Variants in TSNARE1 observed in about 807,000 individuals in gnomAD.
The protein encoded by TSNARE1 is t-SNARE domain-containing protein 1.
Under a neutral mutation model 62.0 loss-of-function variants are expected in TSNARE1, and 49 were observed. The ratio of observed to expected loss-of-function variants is 0.79; its 90% confidence interval spans 0.63 to 1.00. The LOEUF is 1.00. TSNARE1 is among the 50% of genes least tolerant of loss of function. TSNARE1 has a pLI of 0.00. For missense variants in TSNARE1, 755 were observed against 700.1 expected (o/e 1.08, Z -0.88); for synonymous variants, 328 against 294.4 (o/e 1.11, Z -1.17).
At chr8:142,311,448 C>T (rs929811255) in intron 9 of TSNARE1, among the ~76,000 whole-genome samples, 2 of 151,692 alleles carry the variant, frequency 1.3e-5, no homozygotes, top group African/African-American at 4.8e-5. Context: ...CAGGCATGTG[C>T]CACCACACCC....
At chr8:142,341,148 C>T (rs1832532964) in intron 4 of TSNARE1, among the ~76,000 whole-genome samples, 2 of 152,344 alleles carry the variant, frequency 1.3e-5, no homozygotes, top group South Asian at 4.1e-4. Context: ...ACAAGTGGCT[C>T]CACCCTCTCA....
At chr8:142,300,751 T>C in intron 9 of TSNARE1, 107 bp from the exon 10 acceptor site, 1 of 1,155,794 alleles carries the variant, frequency 8.7e-7, no homozygotes, top group Non-Finnish European at 1.2e-6. Context: ...TATCCCCATC[T>C]GCTCTCTGAG....
In TSNARE1 at chr8:142,291,197, C is replaced by T. The variant is rs567100538; in HGVS notation, c.1291-6712G>A. Among the ~76,000 whole-genome samples, 10 of 152,020 alleles carry T rather than the reference C, an allele frequency of 6.6e-5. No individual in the cohort carries two copies. The South Asian group carries it at 2.1e-3, about 32-fold the overall frequency. ...CTGGACCTGCGGGTGGCCTTGGAGACAAATCCCACCACCCTCATCTCAGAA... is the reference window on the plus strand; with the variant it reads ...CTGGACCTGCGGGTGGCCTTGGAGATAAATCCCACCACCCTCATCTCAGAA... On this transcript the variant is annotated intron_variant, in intron 10 of 13. Transcript: ENST00000524325. The surrounding 1 kb of genome is among the most constrained non-coding windows in gnomAD (Gnocchi z 4.8).
intron 6 of TSNARE1, among the ~76,000 whole-genome samples, chr8:142,325,102 C>T (rs539324563): frequency 6.6e-6 from 1 of 152,358 alleles, no homozygotes; most frequent in South Asian, 2.1e-4. Flanking sequence ...ACCCAGGGAC[C>T]GCCCACGGTG....
chr8:142,239,322 C>G (rs1817578995), intron 12 of TSNARE1, among the ~76,000 whole-genome samples: 1 of 152,212 alleles, frequency 6.6e-6, no homozygotes, highest in African/African-American at 2.4e-5. Flanking sequence ...AGCCTTAAAG[C>G]CCCTTGGGTA....
intron 11 of TSNARE1, chr8:142,276,509 G>T (rs572024768): frequency 1.0e-6 from 1 of 985,290 alleles, no homozygotes; most frequent in Non-Finnish European, 1.2e-6. Flanking sequence ...CTGTTGCTGA[G>T]AGGTGAATGT....
At chr8:142,283,258 T>G (rs1368242995) in intron 11 of TSNARE1, among the ~76,000 whole-genome samples, 2 of 150,320 alleles carry the variant, frequency 1.3e-5, no homozygotes, top group Non-Finnish European at 3.0e-5. Context: ...GGGGTCAGTG[T>G]CTGCCAATGA....
chr8:142,341,611 T>C (rs1486078189), intron 4 of TSNARE1, among the ~76,000 whole-genome samples: 1 of 152,130 alleles, frequency 6.6e-6, no homozygotes, highest in Non-Finnish European at 1.5e-5. Flanking sequence ...TAGAAGAGGA[T>C]ATGAAGCCAT....
At chr8:142,230,292 G>A (rs4976976) in intron 12 of TSNARE1, among the ~76,000 whole-genome samples, 73,696 of 152,036 alleles carry the variant, frequency 0.48, 18,724 homozygotes, top group African/African-American at 0.61. Context: ...GAGCTTAAAT[G>A]AAATGGTAAG....
intron 9 of TSNARE1, among the ~76,000 whole-genome samples, chr8:142,309,145 C>A (rs1033092362): frequency 6.6e-6 from 1 of 152,204 alleles, no homozygotes; most frequent in Admixed American, 6.5e-5. Context: ...ACCTGTCCTG[C>A]CGCATTCACT....
At chr8:142,339,283 G>A (rs1329016256) in intron 4 of TSNARE1, among the ~76,000 whole-genome samples, 7 of 152,234 alleles carry the variant, frequency 4.6e-5, no homozygotes, top group Non-Finnish European at 8.8e-5. Flanking sequence ...AATCGGATGC[G>A]GCTCAAAGCG....
At chr8:142,340,793 T>C (rs1832479722) in intron 4 of TSNARE1, among the ~76,000 whole-genome samples, 1 of 152,284 alleles carries the variant, frequency 6.6e-6, no homozygotes, top group Non-Finnish European at 1.5e-5. Context: ...CAGGGCCACA[T>C]GACCCAGCCC....
chr8:142,270,648 C>T (rs1365398591), intron 12 of TSNARE1: 2 of 985,264 alleles, frequency 2.0e-6, no homozygotes, highest in African/African-American at 1.7e-5. Flanking sequence ...TCAGGAGTCA[C>T]ACCAGATCAC....
rs11994483 is a variant in TSNARE1, at chr8:142,358,567, C to T, written c.-39-3804G>A. ...GACCACCTGACCAAACTCACAATTT[C>T]ATTTCGCTGCATATGGAAACATGAA... On this transcript the variant is annotated intron_variant, in intron 1 of 13. Coordinates refer to ENST00000524325, the MANE Select transcript of TSNARE1 (RefSeq NM_145003.5). 6.8e-3 allele frequency among the ~76,000 whole-genome samples: 1,030 copies of T among 152,238 alleles called. 15 individuals are homozygous for T. Among genetic ancestry groups the T allele is most frequent in the African/African-American group, 0.023 (971 of 41,532 alleles).
chr8:142,221,701 T>TCACTCATC (rs775553950), intron 13 of TSNARE1, among the ~76,000 whole-genome samples: 24,479 of 28,746 alleles, frequency 0.85, 11,242 homozygotes, highest in Non-Finnish European at 0.9. Context: ...ACTCATCCAC[T>TCACTCATC]CACTCATCCA....
At chr8:142,280,469 T>A in intron 11 of TSNARE1, 1 of 322,984 alleles carries the variant, frequency 3.1e-6, no homozygotes, top group Non-Finnish European at 4.5e-6. Context: ...CTACATCCAC[T>A]ATACAGGGGC....
intron 12 of TSNARE1, among the ~76,000 whole-genome samples, chr8:142,237,753 G>A (rs1398839640): frequency 7.9e-5 from 12 of 152,142 alleles, no homozygotes; most frequent in African/African-American, 2.2e-4. Flanking sequence ...AGCAGGCCCC[G>A]GGTGGATGCG....
At chr8:142,239,295 A>G (rs984154814) in intron 12 of TSNARE1, among the ~76,000 whole-genome samples, 2 of 152,214 alleles carry the variant, frequency 1.3e-5, no homozygotes, top group Non-Finnish European at 2.9e-5. Context: ...GGGGGCAGCC[A>G]CGCCCTTTCC....
At chr8:142,320,538 TG>T (rs1427156035) in intron 6 of TSNARE1, among the ~76,000 whole-genome samples, 2 of 150,680 alleles carry the variant, frequency 1.3e-5, no homozygotes, top group Non-Finnish European at 3.0e-5. Flanking sequence ...TAGGCCCACG[TG>T]GGTGGCCTCC....
Sources: allele counts gnomAD v4.1 joint callset (sites outside exome capture counted in the v4.1 genomes callset), GRCh38; gene constraint gnomAD v4.1.1; non-coding constraint Gnocchi (gnomAD v3.1); transcripts MANE v1.5; gene names NCBI Gene and HGNC (gene_info 2026-07-23, HGNC 2026-07-21).